C7: variants seen among roughly 807,000 people sequenced by gnomAD.
C7 encodes complement component C7.
Under a neutral mutation model 104.8 loss-of-function variants are expected in C7, and 83 were observed. That is an observed-to-expected ratio of 0.79 (90% confidence interval 0.66 to 0.95). The LOEUF is 0.95. Among genes scored for constraint, C7 ranks in the 40% least tolerant of loss-of-function variants. C7 has a pLI of 0.00. For missense variants in C7, 1,070 were observed against 1,011.2 expected, an observed-to-expected ratio of 1.06 and a Z score of -0.79; for synonymous variants, 415 against 360.6, an observed-to-expected ratio of 1.15 and a Z score of -1.71.
chr5:40,969,657 G>A (rs1430472186), intron 14 of C7, among the ~76,000 whole-genome samples: 2 of 152,042 alleles, frequency 1.3e-5, no homozygotes, highest in Admixed American at 1.3e-4. Flanking sequence ...TTTTTGACAG[G>A]ACTGGACTCT....
At chr5:40,926,710 C>A (rs985304976) in intron 1 of C7, among the ~76,000 whole-genome samples, 1 of 151,988 alleles carries the variant, frequency 6.6e-6, no homozygotes, top group Admixed American at 6.6e-5. Context: ...AAGTTAAAGA[C>A]CTGTACATTG....
intron 15 of C7, among the ~76,000 whole-genome samples, chr5:40,973,322 CA>C (rs1352376616): frequency 6.6e-6 from 1 of 152,020 alleles, no homozygotes; most frequent in African/African-American, 2.4e-5. Context: ...GTATTTGTAA[CA>C]AAAATGAGAA....
intron 12 of C7, 46 bp downstream of exon 12, chr5:40,959,666 C>T: frequency 1.4e-6 from 2 of 1,417,148 alleles, no homozygotes; most frequent in Non-Finnish European, 1.9e-6. Flanking sequence ...ACACAGTACC[C>T]TCTGCAGTTA....
chr5:40,955,613 C>A (rs966374495), intron 10 of C7, 60 bp downstream of exon 10: 4 of 1,495,766 alleles, frequency 2.7e-6, no homozygotes, highest in Non-Finnish European at 2.7e-6. Context: ...ATGAGGAAAA[C>A]GAAGGTGGTT....
intron 16 of C7, among the ~76,000 whole-genome samples, chr5:40,977,334 G>T (rs1475069332): frequency 6.6e-6 from 1 of 152,188 alleles, no homozygotes; most frequent in Non-Finnish European, 1.5e-5. Context: ...AGATGTCTGT[G>T]TCATGGTCCT....
chr5:40,930,791 C>G (rs1417594199), intron 2 of C7, among the ~76,000 whole-genome samples: 1 of 151,960 alleles, frequency 6.6e-6, no homozygotes, highest in Non-Finnish European at 1.5e-5. Flanking sequence ...GTCTCGAACT[C>G]CTGACCTCAG....
At chr5:40,945,163 T>G in intron 6 of C7, 35 bp from the exon 7 acceptor site, 1 of 1,180,384 alleles carries the variant, frequency 8.5e-7, no homozygotes, top group Non-Finnish European at 1.2e-6. Context: ...CCAGCATTAA[T>G]TTAGTCATAG....
chr5:40,950,038 C>A, intron 9 of C7, 24 bp downstream of exon 9: 8 of 1,350,226 alleles, frequency 5.9e-6, no homozygotes, highest in African/African-American at 2.9e-5. Flanking sequence ...GAGCAGTTTG[C>A]ATTGCAAGCT....
At chr5:40,964,586 A>G (rs1447082681) in intron 13 of C7, 155 bp from the exon 14 acceptor site, 6 of 622,552 alleles carry the variant, frequency 9.6e-6, no homozygotes, top group South Asian at 4.1e-5. Context: ...GTTACTAACT[A>G]TATAGGGGAA....
In C7 at chr5:40,979,918, C is replaced by T; in HGVS notation, c.2350+9C>T. 4 of 1,561,426 alleles carry T rather than the reference C, an allele frequency of 2.6e-6. No individual in the cohort carries two copies. The highest frequency in any genetic ancestry group is 3.5e-6 in the Non-Finnish European group (4 of 1,151,718). On this transcript the variant is annotated intron_variant, in intron 17 of 17. Transcript: ENST00000313164. Reference sequence around the variant, plus strand: ...GTGGGGAAAATGTGATGGTAAGGGGCCTTTCATATTTGTAAGTATAAGAAT... The same window carrying T: ...GTGGGGAAAATGTGATGGTAAGGGGTCTTTCATATTTGTAAGTATAAGAAT...
intron 14 of C7, among the ~76,000 whole-genome samples, 186 bp downstream of exon 14, chr5:40,965,059 C>A (rs1483506530): frequency 6.6e-6 from 1 of 152,134 alleles, no homozygotes; most frequent in African/African-American, 2.4e-5. Context: ...TGGTAATGTT[C>A]CCATTCAGTG....
Position 40,937,537 on chromosome 5 carries a change from T to G in C7, c.429-15T>G, listed in dbSNP as rs773328686. The G allele has an allele frequency of 6.3e-7, 1 of 1,582,024 alleles. No individual in the cohort carries two copies. The highest frequency in any genetic ancestry group is 1.2e-5 in the South Asian group (1 of 84,954). On this transcript the variant is annotated splice_polypyrimidine_tract_variant and intron_variant, in intron 5 of 17. Transcript: ENST00000313164. ...GCTTTTTATTTCCTCCTTCTCCTCC[T>G]CCTCCTTTTAACAGTTACAATGAAC...
chr5:40,947,795 G>A lies in C7; in HGVS notation c.932G>A (p.Gly311Glu). 2 of 1,613,356 alleles carry A rather than the reference G, an allele frequency of 1.2e-6. No individual in the cohort carries two copies. The highest frequency in any genetic ancestry group is 1.7e-6 in the Non-Finnish European group (2 of 1,179,498). Residue 311 changes from glycine (G) to glutamate (E), a missense_variant, in exon 8 of 18, where the codon GGA becomes GAA. Coordinates refer to ENST00000313164, the MANE Select transcript of C7 (RefSeq NM_000587.4). ...THYLQSGSLG[G>E]EYRVLFYVDS... ...TATCTGCAATCTGGGTCGTTAGGAG[G>A]AGAATACAGAGTTCTATTTTATGTG...
intron 6 of C7, among the ~76,000 whole-genome samples, chr5:40,941,864 T>C (rs1473933223): frequency 6.6e-6 from 1 of 152,118 alleles, no homozygotes; most frequent in African/African-American, 2.4e-5. Flanking sequence ...AGACATTTGG[T>C]GATTATTGGT....
At chr5:40,978,510 T>C (rs1740868159) in intron 16 of C7, among the ~76,000 whole-genome samples, 1 of 152,224 alleles carries the variant, frequency 6.6e-6, no homozygotes, top group African/African-American at 2.4e-5. Context: ...AAGGTGGTAT[T>C]GTAAGGTCTT....
rs2111637559 is a variant in C7, at chr5:40,949,987, C to T, written c.1066C>T (p.Leu356=). 1 of 1,595,354 alleles carries T rather than the reference C, an allele frequency of 6.3e-7. No homozygotes were observed. Among genetic ancestry groups the T allele is most frequent in the South Asian group, 1.1e-5 (1 of 87,626 alleles). ...ATTTTCAAGTCATGGATGCAAGGAA[C>T]TGGAAAACGCTTTAAAAGCTGCTTC... The part of the protein sequence containing the change: ...VKFSSHGCKE[L]ENALKAASGT... Residue 356 remains leucine (L), a synonymous_variant, in exon 9 of 18, where the codon CTG becomes TTG. Coordinates refer to ENST00000313164, the MANE Select transcript of C7 (RefSeq NM_000587.4).
chr5:40,970,160 G>A (rs564194469), intron 14 of C7, among the ~76,000 whole-genome samples: 1 of 152,174 alleles, frequency 6.6e-6, no homozygotes, highest in African/African-American at 2.4e-5. Flanking sequence ...GCTCAATTTT[G>A]CTACACTGAT....
At chr5:40,963,347 G>A (rs1013440847) in intron 13 of C7, among the ~76,000 whole-genome samples, 3 of 152,282 alleles carry the variant, frequency 2.0e-5, no homozygotes, top group East Asian at 1.9e-4. Flanking sequence ...ATATACAGCC[G>A]CATTTGTGCA....
intron 16 of C7, among the ~76,000 whole-genome samples, chr5:40,979,281 C>T (rs978351695): frequency 7.2e-5 from 11 of 152,098 alleles, no homozygotes; most frequent in African/African-American, 2.7e-4. Flanking sequence ...TTGGACAATG[C>T]AGTTTTATGG....
Sources: allele counts gnomAD v4.1 joint callset (sites outside exome capture counted in the v4.1 genomes callset), GRCh38; gene constraint gnomAD v4.1.1; transcripts MANE v1.5; gene names NCBI Gene and HGNC (gene_info 2026-07-23, HGNC 2026-07-21).